SSBP1: variants seen among roughly 807,000 people sequenced by gnomAD.
SSBP1 encodes the protein single stranded DNA binding protein 1, also known as single-stranded DNA-binding protein, mitochondrial.
SSBP1 carries 20 observed loss-of-function variants against 27.0 expected under a neutral mutation model. The ratio of observed to expected loss-of-function variants is 0.74; its 90% CI spans 0.52 to 1.08. The LOEUF is 1.08. SSBP1 is among the 50% of genes least tolerant of loss of function. The pLI, the probability that SSBP1 is intolerant of heterozygous loss-of-function variation, is 0.00. For synonymous variants in SSBP1, 59 were observed against 59.3 expected, an observed-to-expected ratio of 1.00 and a Z score of 0.02; for missense variants, 137 against 182.4, an observed-to-expected ratio of 0.75 and a Z score of 1.44.
At position 141,750,339 on chromosome 7, in the gene SSBP1, G is replaced by T. The variant is rs372546486; in HGVS notation, c.432G>T (p.Thr144=). Residue 144 remains threonine, a synonymous_variant, in exon 7 of 7, where the codon ACG becomes ACT. Coordinates refer to ENST00000265304, the MANE Select transcript of SSBP1 (RefSeq NM_003143.3). ...ADNIIFLSDQ[T]KEKE ...ATATTATATTTCTGAGTGACCAGAC[G>T]AAAGAGAAGGAGTAGAAAGGATGAT... is the stretch of plus-strand genomic sequence containing the variant. 1.3e-6 allele frequency: 2 copies of T among 1,599,348 alleles called. No individual in the cohort carries two copies. The highest frequency in any genetic ancestry group is 8.5e-7 in the Non-Finnish European group (1 of 1,175,524).
rs1799653266 is a variant in SSBP1 at position 141,743,596 on chromosome 7, C to T, written c.121C>T (p.Gln41Ter). The change falls in exon 4 of 7, where the codon CAG (glutamine) becomes TAG (stop). Residue 41 changes from glutamine to a stop codon, truncating the protein, a stop_gained. Transcript: ENST00000265304. LOFTEE classifies it high-confidence loss of function. ...TGTGCACTTACTTGGGCGAGTGGGT[C>T]AGGACCCTGTCTTGAGACAGGTGGA... Reference protein sequence around the residue: ...NRVHLLGRVGQDPVLRQVEGK... With the variant: ...NRVHLLGRVG The T allele has an allele frequency of 6.2e-7, 1 of 1,614,146 alleles. No homozygotes were observed. The highest frequency in any genetic ancestry group is 8.5e-7 in the Non-Finnish European group (1 of 1,180,024).
At chr7:141,746,806 C>T (rs1395177485) in intron 6 of SSBP1, among the ~76,000 whole-genome samples, 1 of 152,008 alleles carries the variant, frequency 6.6e-6, no homozygotes, top group African/African-American at 2.4e-5. Context: ...CTGCAAGCGA[C>T]ATTAAGAAAT....
intron 6 of SSBP1, among the ~76,000 whole-genome samples, chr7:141,748,477 A>C (rs1301784709): frequency 2.6e-5 from 4 of 152,310 alleles, no homozygotes; most frequent in Middle Eastern, 3.4e-3. Flanking sequence ...TAGAATGCTC[A>C]CATGGTTTCT....
chr7:141,745,669 T>C, intron 6 of SSBP1, 85 bp downstream of exon 6: 1 of 1,569,158 alleles, frequency 6.4e-7, no homozygotes, highest in Non-Finnish European at 8.6e-7. Flanking sequence ...TAACTAGGGT[T>C]AAGAGTACCA....
In SSBP1 at chr7:141,745,161, C is replaced by T. The variant is rs17162444; in HGVS notation, c.315-335C>T. On this transcript the variant is annotated intron_variant, in intron 5 of 6. Transcript: ENST00000265304. ...TCAAGTCTGTTAGGGACTCCAAAAT[C>T]AAAGGTCAAGGAAAATGATACATTG... 6.6e-3 allele frequency among the ~76,000 whole-genome samples: 1,009 copies of T among 152,248 alleles called. 11 individuals are homozygous for T. Among genetic ancestry groups the T allele is most frequent in the East Asian group, 0.024 (127 of 5,184 alleles).
intron 2 of SSBP1, chr7:141,740,606 AAT>A (rs1272130038): frequency 6.6e-6 from 1 of 152,142 alleles, no homozygotes; most frequent in African/African-American, 2.4e-5. Flanking sequence ...ATAATAGATA[AAT>A]CCCTTAGCTG....
chr7:141,749,657 C>T (rs1584772633), intron 6 of SSBP1, among the ~76,000 whole-genome samples: 3 of 152,222 alleles, frequency 2.0e-5, no homozygotes, highest in East Asian at 3.9e-4. Flanking sequence ...TGGTGCACAC[C>T]TATAATCCCA....
rs1342734675 is a variant in SSBP1, at chr7:141,743,083, G to A, written c.86-478G>A. Among the ~76,000 whole-genome samples the A allele has an allele frequency of 5.3e-5, 8 of 152,328 alleles. No homozygotes were observed. In the East Asian group the frequency reaches 1.5e-3, roughly 29 times the overall value. ...TTAGCCAGCATGGTCTCTCTCTCCT[G>A]ACCTTGTGATCCGCCCGCCTTGGCC... is the stretch of plus-strand genomic sequence containing the variant. On this transcript the variant is annotated intron_variant, in intron 3 of 6. Coordinates refer to ENST00000265304, the MANE Select transcript of SSBP1 (RefSeq NM_003143.3).
intron 4 of SSBP1, 38 bp from the exon 5 acceptor site, chr7:141,743,864 T>C: frequency 2.5e-6 from 4 of 1,590,898 alleles, no homozygotes; most frequent in Non-Finnish European, 3.4e-6. Context: ...ATGTTGTCTG[T>C]TGGCATTTGT....
chr7:141,747,646 C>T (rs574486353), intron 6 of SSBP1, among the ~76,000 whole-genome samples: 1 of 151,620 alleles, frequency 6.6e-6, no homozygotes, highest in Non-Finnish European at 1.5e-5. Flanking sequence ...CTTCAGCCTC[C>T]CAAAGTGCTG....
At chr7:141,743,529 T>C in intron 3 of SSBP1, 32 bp from the exon 4 acceptor site, 1 of 1,611,794 alleles carries the variant, frequency 6.2e-7, no homozygotes, top group South Asian at 1.1e-5. Flanking sequence ...CTATAGCAGG[T>C]TGTCTCATTT....
At chr7:141,748,669 C>A (rs1278099595) in intron 6 of SSBP1, among the ~76,000 whole-genome samples, 1 of 151,952 alleles carries the variant, frequency 6.6e-6, no homozygotes, top group Non-Finnish European at 1.5e-5. Context: ...TGTTTTTTTT[C>A]CTTGTCACTA....
chr7:141,741,912 T>C lies in SSBP1; in HGVS notation c.25-257T>C, dbSNP rs1044688695. On this transcript the variant is annotated intron_variant, in intron 2 of 6. Coordinates refer to ENST00000265304, the MANE Select transcript of SSBP1 (RefSeq NM_003143.3). The stretch of plus-strand genomic sequence containing the variant: ...AATCAAGGAGATGTCGCAAAATAAA[T>C]GGGAGTACTATAACTTAACTTTGAG... 86 of 633,868 alleles carry C rather than the reference T, an allele frequency of 1.4e-4. No individual in the cohort carries two copies. The African/African-American group carries it at 1.6e-3, about 12-fold the overall frequency. 39.3% of individuals were successfully genotyped at this position (633,868 alleles called of 1,614,324 possible).
At chr7:141,741,664 A>T (rs1205621876) in intron 2 of SSBP1, 10 of 427,904 alleles carry the variant, frequency 2.3e-5, no homozygotes, top group Non-Finnish European at 2.5e-5. Flanking sequence ...GTAGTAATAT[A>T]CCAGTTGTTT....
At chr7:141,743,449 C>G in intron 3 of SSBP1, 112 bp from the exon 4 acceptor site, 8 of 1,295,204 alleles carry the variant, frequency 6.2e-6, no homozygotes, top group Non-Finnish European at 8.6e-6. Context: ...ATCCCACTTC[C>G]AAATACCATT....
chr7:141,744,950 T>C (rs371223629), intron 5 of SSBP1, among the ~76,000 whole-genome samples: 70 of 152,294 alleles, frequency 4.6e-4, no homozygotes, highest in African/African-American at 1.6e-3. Context: ...TAGTTTAGCC[T>C]CTAGATAGTG....
rs1799593539 is a variant in SSBP1 at position 141,742,778 on chromosome 7, G to C, written c.85+549G>C. On this transcript the variant is annotated intron_variant, in intron 3 of 6. Transcript: ENST00000265304. ...TTATTTTCTGATCTTCCAGAACTTG[G>C]GTTTTACTTAATGCAGAGATTGAAG... Among the ~76,000 whole-genome samples, 3 of 152,112 alleles carry C rather than the reference G, an allele frequency of 2.0e-5. 1 individual carries two copies. In the South Asian group the frequency reaches 6.2e-4, roughly 32 times the overall value.
chr7:141,743,861 CTGTT>C, intron 4 of SSBP1, 37 bp from the exon 5 acceptor site: 1 of 1,587,718 alleles, frequency 6.3e-7, no homozygotes, highest in Non-Finnish European at 8.6e-7. Context: ...GGCATGTTGT[CTGTT>C]GGCATTTGTA....
chr7:141,742,106 CT>C (rs1799558258), intron 2 of SSBP1, 62 bp from the exon 3 acceptor site: 1 of 1,239,260 alleles, frequency 8.1e-7, no homozygotes, highest in Admixed American at 1.7e-5. Context: ...GTGAGTAATT[CT>C]TCTGTTTGCA....
Sources: allele counts gnomAD v4.1 joint callset (sites outside exome capture counted in the v4.1 genomes callset), GRCh38; gene constraint gnomAD v4.1.1; transcripts MANE v1.5; gene names NCBI Gene and HGNC (gene_info 2026-07-23, HGNC 2026-07-21).